SNX25: variants seen among roughly 807,000 people sequenced by gnomAD.
SNX25 encodes sorting nexin 25.
SNX25 carries 62 observed loss-of-function variants against 113.7 expected under a neutral mutation model. That is an observed-to-expected ratio of 0.55 (90% CI 0.44 to 0.67). The LOEUF (loss-of-function observed/expected upper bound fraction) is 0.67. Among genes scored for constraint, SNX25 ranks in the 30% least tolerant of loss-of-function variants. The pLI is 0.00. For missense variants in SNX25, 1,014 were observed against 1,161.0 expected, an observed-to-expected ratio of 0.87 and a Z score of 1.84; for synonymous variants, 421 against 436.2, an observed-to-expected ratio of 0.97 and a Z score of 0.43.
At chr4:185,255,203 G>A (rs865975251) in intron 2 of SNX25, among the ~76,000 whole-genome samples, 9 of 151,686 alleles carry the variant, frequency 5.9e-5, no homozygotes, top group Middle Eastern at 3.4e-3. Flanking sequence ...GCACAATCTC[G>A]GCTCACTGCA....
At chr4:185,237,441 A>G (rs146442265) in intron 1 of SNX25, among the ~76,000 whole-genome samples, 1 of 152,290 alleles carries the variant, frequency 6.6e-6, no homozygotes, top group Non-Finnish European at 1.5e-5. Context: ...GTGCTCTGTT[A>G]TGCTGTGTCT....
chr4:185,323,818 T>C lies in SNX25; in HGVS notation c.1749+18T>C. On this transcript the variant is annotated intron_variant, in intron 9 of 18. Coordinates refer to ENST00000652585, the MANE Select transcript of SNX25 (RefSeq NM_001378034.2). ...ATGAGATGGTGAGTCACATTTAACT[T>C]TCTGCTCCTTTTTATTGGATAAGCT... 1 of 1,607,856 alleles carries C rather than the reference T, an allele frequency of 6.2e-7. No individual in the cohort carries two copies. Among genetic ancestry groups the C allele is most frequent in the South Asian group, 1.1e-5 (1 of 89,368 alleles).
At chr4:185,215,314 T>A (rs1356151643) in intron 1 of SNX25, among the ~76,000 whole-genome samples, 1 of 151,812 alleles carries the variant, frequency 6.6e-6, no homozygotes, top group Non-Finnish European at 1.5e-5. Context: ...TGCACAAGAG[T>A]ACTCCCTTCC....
At chr4:185,377,842 C>T in the SNX25 span, 3 of 392,600 alleles carry the variant, frequency 7.6e-6, no homozygotes, top group Non-Finnish European at 1.4e-5. Flanking sequence ...TTTCTAGAAG[C>T]ATGTCCTTAA....
intron 1 of SNX25, among the ~76,000 whole-genome samples, chr4:185,224,545 ATAC>A: frequency 1.8e-5 from 2 of 111,384 alleles, no homozygotes; most frequent in South Asian, 2.8e-4. Context: ...ATAAATATAT[ATAC>A]ATATATATAA....
intron 1 of SNX25, among the ~76,000 whole-genome samples, chr4:185,237,119 G>A (rs906622517): frequency 4.7e-5 from 7 of 150,510 alleles, no homozygotes; most frequent in East Asian, 3.9e-4. Context: ...GCTCCTTCCT[G>A]TATCTAAAGT....
chr4:185,220,484 CTT>C lies in SNX25; in HGVS notation c.429+10244_429+10245del, dbSNP rs33968295. Among the ~76,000 whole-genome samples the C allele has an allele frequency of 9.1e-3, 1,200 of 131,810 alleles. 19 individuals are homozygous for C. The highest frequency in any genetic ancestry group is 0.062 in the South Asian group (254 of 4,094). 86.5% of individuals were successfully genotyped at this position (131,810 alleles called of 152,430 possible). A position where few individuals can be genotyped will look rare whatever the true frequency, so the allele number is the denominator to read the frequency against. ...AAAGTCAGGTCCCACAACTGAGTCC[CTT>C]TTTTTTTTTTTTTTGAGATGGAGTC... On this transcript the variant is annotated intron_variant, in intron 1 of 18. Coordinates refer to ENST00000652585, the MANE Select transcript of SNX25 (RefSeq NM_001378034.2).
intron 5 of SNX25, among the ~76,000 whole-genome samples, chr4:185,285,993 G>T (rs1751301050): frequency 6.6e-6 from 1 of 151,618 alleles, no homozygotes; most frequent in African/African-American, 2.4e-5. Context: ...TCCCAGGCTG[G>T]TCTCAAACTC....
downstream of SNX25, chr4:185,366,164 C>T (rs1405563042): frequency 6.6e-6 from 1 of 152,210 alleles, no homozygotes; most frequent in Admixed American, 6.5e-5. Context: ...TAGCCTTGTA[C>T]AATCTTATGC....
intron 11 of SNX25, 37 bp downstream of exon 11, chr4:185,339,547 A>G (rs756373876): frequency 1.3e-6 from 2 of 1,584,624 alleles, no homozygotes; most frequent in South Asian, 2.3e-5. Context: ...TTTATTTTAA[A>G]AGTTTGACTT....
At chr4:185,240,802 G>A (rs901917659) in intron 1 of SNX25, among the ~76,000 whole-genome samples, 1 of 151,138 alleles carries the variant, frequency 6.6e-6, no homozygotes, top group Non-Finnish European at 1.5e-5. Context: ...CTTCTCAGAC[G>A]GGGCGGTTGC....
intron 6 of SNX25, among the ~76,000 whole-genome samples, chr4:185,291,405 C>T (rs1752154856): frequency 6.6e-6 from 1 of 152,194 alleles, no homozygotes; most frequent in South Asian, 2.1e-4. Context: ...ATTCTACTTT[C>T]TGTCTCTCTG....
intron 1 of SNX25, among the ~76,000 whole-genome samples, chr4:185,221,599 T>C (rs1739869750): frequency 6.6e-6 from 1 of 152,150 alleles, no homozygotes; most frequent in African/African-American, 2.4e-5. Flanking sequence ...CCCTCTTCCA[T>C]TGATTCTTTT....
intron 1 of SNX25, among the ~76,000 whole-genome samples, chr4:185,226,485 G>A (rs1321233204): frequency 1.3e-5 from 2 of 152,304 alleles, no homozygotes; most frequent in Admixed American, 1.3e-4. Context: ...GGGTCTCACT[G>A]TGTTGCCCAG....
chr4:185,242,333 C>T (rs1212787859), intron 1 of SNX25, among the ~76,000 whole-genome samples: 1 of 152,064 alleles, frequency 6.6e-6, no homozygotes, highest in African/African-American at 2.4e-5. Flanking sequence ...AGTGTCAGAG[C>T]CCATAGATTA....
chr4:185,274,638 G>A (rs1009707382), intron 5 of SNX25, among the ~76,000 whole-genome samples: 13 of 152,128 alleles, frequency 8.5e-5, no homozygotes, highest in African/African-American at 2.7e-4. Context: ...TCCTGGACTC[G>A]AACTCTTTGC....
At position 185,267,232 on chromosome 4, in the gene SNX25, A is replaced by T. The variant is rs1479335336; in HGVS notation, c.1091+77A>T. The T allele has an allele frequency of 2.2e-6, 3 of 1,352,436 alleles. No homozygotes were observed. The African/African-American group carries it at 4.4e-5, about 20-fold the overall frequency. 83.8% of individuals were successfully genotyped at this position (1,352,436 alleles called of 1,614,324 possible). ...GCCTAGTTAGGTTAAAAAAAAAAAA[A>T]AGTAGTTGTCAGGGAAGCAGAAATA... On this transcript the variant is annotated intron_variant, in intron 5 of 18. Transcript: ENST00000652585.
intron 1 of SNX25, among the ~76,000 whole-genome samples, chr4:185,241,338 C>T (rs1053775015): frequency 3.3e-5 from 5 of 151,946 alleles, no homozygotes; most frequent in Admixed American, 6.6e-5. Context: ...ACCAGTCAGG[C>T]GTGGCGGCGC....
rs758092952 is a variant in SNX25, at chr4:185,277,720, CTTTTTTTTTTTTTT to C, written c.1092-10275_1092-10262del. On this transcript the variant is annotated intron_variant, in intron 5 of 18. Transcript: ENST00000652585. ...ATGATGAGTTTTGAGTACTTATTAC[CTTTTTTTTTTTTTT>C]TTTTTTTTTTTTTTTTGAGACGGAG... is the stretch of plus-strand genomic sequence containing the variant. 1.7e-4 allele frequency among the ~76,000 whole-genome samples: 11 copies of C among 63,502 alleles called. 2 individuals carry two copies. The highest frequency in any genetic ancestry group is 2.4e-4 in the African/African-American group (4 of 16,992). The allele number at this position is 63,502 out of a possible 152,430, so 41.7% of individuals were successfully genotyped here.
Sources: allele counts gnomAD v4.1 joint callset (sites outside exome capture counted in the v4.1 genomes callset), GRCh38; gene constraint gnomAD v4.1.1; transcripts MANE v1.5; gene names NCBI Gene and HGNC (gene_info 2026-07-23, HGNC 2026-07-21).